The following AGPAT3 variants were observed in gnomAD, a reference collection of about 807,000 sequenced individuals.
AGPAT3 encodes the protein 1-acyl-sn-glycerol-3-phosphate acyltransferase gamma.
AGPAT3 carries 5 observed loss-of-function variants against 47.3 expected under a neutral mutation model. The ratio of observed to expected loss-of-function variants is 0.11; its 90% CI spans 0.06 to 0.22. The LOEUF (loss-of-function observed/expected upper bound fraction) is 0.22. AGPAT3 is among the 10% of genes least tolerant of loss of function. The pLI is 1.00. For missense variants in AGPAT3, 315 were observed against 493.0 expected, an observed-to-expected ratio of 0.64 and a Z score of 3.42; for synonymous variants, 212 against 208.3, an observed-to-expected ratio of 1.02 and a Z score of -0.15.
At chr21:43,879,911 C>T (rs144741834) in intron 1 of AGPAT3, among the ~76,000 whole-genome samples, 50 of 152,296 alleles carry the variant, frequency 3.3e-4, no homozygotes, top group East Asian at 1.2e-3. Context: ...TCTTGCTTCC[C>T]GTGAGCTCCC....
intron 2 of AGPAT3, among the ~76,000 whole-genome samples, chr21:43,931,922 CGTGTGTGTGTGTGTGT>C (rs55978822): frequency 0.27 from 39,082 of 145,624 alleles, 5,474 homozygotes; most frequent in South Asian, 0.36. Flanking sequence ...AAGAGGATCT[CGTGTGTGTGTGTGTGT>C]GTGTGTGTGT....
At chr21:43,902,810 G>A (rs1221151513) in intron 1 of AGPAT3, among the ~76,000 whole-genome samples, 1 of 152,164 alleles carries the variant, frequency 6.6e-6, no homozygotes, top group Non-Finnish European at 1.5e-5. Flanking sequence ...ACCAGCCTAG[G>A]CAACATAGTG....
At chr21:43,875,369 A>C (rs1428340818) in intron 1 of AGPAT3, among the ~76,000 whole-genome samples, 1 of 152,208 alleles carries the variant, frequency 6.6e-6, no homozygotes, top group Non-Finnish European at 1.5e-5. Flanking sequence ...GAATTTTTCC[A>C]CCCAAATATC....
intron 2 of AGPAT3, among the ~76,000 whole-genome samples, chr21:43,928,529 G>A (rs377136676): frequency 6.6e-5 from 10 of 152,338 alleles, no homozygotes; most frequent in African/African-American, 1.7e-4. Context: ...CTCCCGACCC[G>A]TAGGCTGCAG....
intron 2 of AGPAT3, among the ~76,000 whole-genome samples, chr21:43,941,005 C>T (rs145826122): frequency 2.4e-4 from 37 of 152,348 alleles, no homozygotes; most frequent in African/African-American, 6.5e-4. Flanking sequence ...ACACTGATGC[C>T]GCCTGCTGTT....
intron 8 of AGPAT3, among the ~76,000 whole-genome samples, chr21:43,978,905 C>T (rs930488900): frequency 6.6e-6 from 1 of 152,170 alleles, no homozygotes; most frequent in African/African-American, 2.4e-5. Context: ...ATGGGGCATT[C>T]GATTTCCACT....
intron 1 of AGPAT3, among the ~76,000 whole-genome samples, chr21:43,878,949 C>T (rs1487141182): frequency 6.6e-6 from 1 of 152,116 alleles, no homozygotes; most frequent in Non-Finnish European, 1.5e-5. Flanking sequence ...CCATATTGGC[C>T]AGGCTGGTCT....
intron 1 of AGPAT3, among the ~76,000 whole-genome samples, chr21:43,901,460 A>C (rs1050456805): frequency 1.3e-5 from 2 of 151,650 alleles, no homozygotes; most frequent in African/African-American, 4.9e-5. Context: ...AAATATGATA[A>C]AAATAAAGAA....
At chr21:43,898,029 G>A (rs994207923) in intron 1 of AGPAT3, among the ~76,000 whole-genome samples, 1 of 152,192 alleles carries the variant, frequency 6.6e-6, no homozygotes, top group Non-Finnish European at 1.5e-5. Context: ...CACTCAGCAG[G>A]CTGAGGCAGG....
At chr21:43,906,640 T>C (rs927564495) in intron 2 of AGPAT3, among the ~76,000 whole-genome samples, 3 of 152,104 alleles carry the variant, frequency 2.0e-5, no homozygotes, top group African/African-American at 7.2e-5. Context: ...ACTTTGGCAA[T>C]ATCTTCTAAA....
chr21:43,881,540 C>T (rs912862896), intron 1 of AGPAT3, among the ~76,000 whole-genome samples: 20 of 152,180 alleles, frequency 1.3e-4, no homozygotes, highest in African/African-American at 4.3e-4. Context: ...GTGAAATGCA[C>T]GCCGATCTCA....
intron 2 of AGPAT3, among the ~76,000 whole-genome samples, chr21:43,941,194 C>T (rs1302667680): frequency 1.3e-5 from 2 of 152,148 alleles, no homozygotes; most frequent in Admixed American, 6.5e-5. Context: ...CCACAGCTCC[C>T]CTGGAGGTTC....
At position 43,955,824 on chromosome 21, in the gene AGPAT3, T is replaced by G. The variant is rs2088426698; in HGVS notation, c.-48-3810T>G. On this transcript the variant is annotated intron_variant, in intron 2 of 9. Coordinates refer to ENST00000291572, the MANE Select transcript of AGPAT3 (RefSeq NM_020132.5). This position sits in a 1 kb window ranked among gnomAD's most constrained non-coding sequence, Gnocchi z 4.1. Reference sequence around the variant, plus strand: ...GGGAGGCTGAGGCATGAGAATTGCTTGAACCCAGGAAGCTGCAGTGAGCCA... The same window carrying G: ...GGGAGGCTGAGGCATGAGAATTGCTGGAACCCAGGAAGCTGCAGTGAGCCA... Among the ~76,000 whole-genome samples, 1 of 151,138 alleles carries G rather than the reference T, an allele frequency of 6.6e-6. No homozygotes were observed. The highest frequency in any genetic ancestry group is 6.6e-5 in the Admixed American group (1 of 15,194).
In AGPAT3 at chr21:43,932,105, G is replaced by A. The variant is rs558977309; in HGVS notation, c.-48-27529G>A. ...ACATAGCTATCAGCTCACCAACATCGTTTTTGGTGGTGTGGATGTTAAAAA... is the reference window on the plus strand; with the variant it reads ...ACATAGCTATCAGCTCACCAACATCATTTTTGGTGGTGTGGATGTTAAAAA... On this transcript the variant is annotated intron_variant, in intron 2 of 9. Transcript: ENST00000291572. This position sits in a 1 kb window ranked among gnomAD's most constrained non-coding sequence, Gnocchi z 5.2. Among the ~76,000 whole-genome samples, 8 of 152,234 alleles carry A rather than the reference G, an allele frequency of 5.3e-5. No homozygotes were observed. Among genetic ancestry groups the A allele is most frequent in the South Asian group, 2.1e-4 (1 of 4,818 alleles).
intron 1 of AGPAT3, among the ~76,000 whole-genome samples, chr21:43,885,252 C>A (rs1278480700): frequency 6.6e-6 from 1 of 152,276 alleles, no homozygotes; most frequent in Non-Finnish European, 1.5e-5. Context: ...GTTCCCTGCA[C>A]AGCTGCTTTT....
intron 1 of AGPAT3, among the ~76,000 whole-genome samples, chr21:43,898,603 T>C (rs2086280722): frequency 6.6e-6 from 1 of 152,216 alleles, no homozygotes; most frequent in Admixed American, 6.5e-5. Flanking sequence ...CTTGGCTCAC[T>C]GCAGCCTCCG....
intron 1 of AGPAT3, among the ~76,000 whole-genome samples, chr21:43,902,393 C>A (rs553710053): frequency 6.6e-6 from 1 of 152,072 alleles, no homozygotes; most frequent in Admixed American, 6.5e-5. Context: ...GGAAAATATG[C>A]GATATATACA....
intron 1 of AGPAT3, among the ~76,000 whole-genome samples, chr21:43,888,999 C>CAAAGTTTCTTA (rs1569047370): frequency 6.7e-6 from 1 of 148,648 alleles, no homozygotes; most frequent in Non-Finnish European, 1.5e-5. Flanking sequence ...AAAAAAAAAA[C>CAAAGTTTCTTA]AAAGTTTCTT....
chr21:43,921,999 CTG>C (rs771070594), intron 2 of AGPAT3, among the ~76,000 whole-genome samples: 1 of 152,204 alleles, frequency 6.6e-6, no homozygotes. Context: ...CCTGATTTCT[CTG>C]TCTCTCGATG....
Sources: allele counts gnomAD v4.1 joint callset (sites outside exome capture counted in the v4.1 genomes callset), GRCh38; gene constraint gnomAD v4.1.1; non-coding constraint Gnocchi (gnomAD v3.1); transcripts MANE v1.5; gene names NCBI Gene and HGNC (gene_info 2026-07-23, HGNC 2026-07-21).